The following NDUFS6 variants were observed in gnomAD, a reference collection of about 807,000 sequenced individuals.
The protein encoded by NDUFS6 is NADH dehydrogenase [ubiquinone] iron-sulfur protein 6, mitochondrial.
In NDUFS6, 14 loss-of-function variants were observed where a neutral mutation model predicts 13.2. That is an observed-to-expected ratio of 1.06 (90% CI 0.70 to 1.66). NDUFS6 has a LOEUF of 1.66. Among genes scored for constraint, NDUFS6 ranks in the 40% most tolerant of loss-of-function variants. NDUFS6 has a pLI of 0.00. For missense variants in NDUFS6, 206 were observed against 170.8 expected (o/e 1.21, Z -1.15); for synonymous variants, 95 against 72.3 (o/e 1.31, Z -1.60).
At chr5:1,809,538 G>T (rs554614008) in intron 2 of NDUFS6, among the ~76,000 whole-genome samples, 69 of 152,286 alleles carry the variant, frequency 4.5e-4, no homozygotes, top group Admixed American at 1.2e-3. Flanking sequence ...CTGGTGATGG[G>T]CGGTCAGGGT....
intron 1 of NDUFS6, among the ~76,000 whole-genome samples, chr5:1,801,771 G>A (rs1006441137): frequency 2.6e-5 from 4 of 152,264 alleles, no homozygotes; most frequent in Non-Finnish European, 4.4e-5. Context: ...GCGGGCTCTG[G>A]AACGGGAAGT....
chr5:1,815,879 G>T lies in NDUFS6; in HGVS notation c.338G>T (p.Gly113Val), dbSNP rs1430910098. 3.1e-6 allele frequency: 5 copies of T among 1,614,260 alleles called. No individual in the cohort carries two copies. Among genetic ancestry groups the T allele is most frequent in the South Asian group, 1.1e-5 (1 of 91,088 alleles). The change falls in exon 4 of 4, where the codon GGT becomes GTT. Residue 113 changes from glycine to valine, a missense_variant. Gly to Val is a moderately radical substitution (Grantham distance 109). Transcript: ENST00000274137. ...AAAGAAACAAAAACCGGCACATGCG[G>T]TTACTGTGGGCTCCAGTTCAGACAG... is the stretch of plus-strand genomic sequence containing the variant. ...LDKETKTGTC[G>V]YCGLQFRQHH...
At chr5:1,803,813 G>A (rs1463584814) in intron 2 of NDUFS6, among the ~76,000 whole-genome samples, 1 of 152,254 alleles carries the variant, frequency 6.6e-6, no homozygotes, top group African/African-American at 2.4e-5. Flanking sequence ...TCCGTGTGCA[G>A]GCTGTCCTGG....
chr5:1,810,701 G>A (rs1441916185), intron 2 of NDUFS6, among the ~76,000 whole-genome samples: 1 of 152,020 alleles, frequency 6.6e-6, no homozygotes, highest in South Asian at 2.1e-4. Context: ...TTGTCGGAGG[G>A]GCCAGTCTGG....
chr5:1,811,823 A>G (rs1734223651), intron 2 of NDUFS6, among the ~76,000 whole-genome samples: 1 of 152,188 alleles, frequency 6.6e-6, no homozygotes, highest in South Asian at 2.1e-4. Flanking sequence ...ACATAATATA[A>G]TTGGTTCTGG....
chr5:1,809,813 T>C (rs182503851), intron 2 of NDUFS6, among the ~76,000 whole-genome samples: 21 of 152,350 alleles, frequency 1.4e-4, no homozygotes, highest in Admixed American at 1.4e-3. Flanking sequence ...CAGAGCCCTC[T>C]GTAAGGCGCT....
At chr5:1,803,085 G>A (rs1050849741) in intron 2 of NDUFS6, among the ~76,000 whole-genome samples, 1 of 152,078 alleles carries the variant, frequency 6.6e-6, no homozygotes, top group African/African-American at 2.4e-5. Flanking sequence ...GGTTAGCCTG[G>A]TGTTCTTCTT....
At chr5:1,811,516 G>A (rs1347695359) in intron 2 of NDUFS6, among the ~76,000 whole-genome samples, 1 of 152,224 alleles carries the variant, frequency 6.6e-6, no homozygotes, top group African/African-American at 2.4e-5. Context: ...GCCCAGGTAA[G>A]TTCCTACATG....
intron 2 of NDUFS6, among the ~76,000 whole-genome samples, chr5:1,805,788 TAAC>T (rs1254233511): frequency 6.6e-6 from 1 of 152,202 alleles, no homozygotes; most frequent in Non-Finnish European, 1.5e-5. Flanking sequence ...GTGGTAATAA[TAAC>T]AGCAATAACA....
chr5:1,801,497 G>GT lies in NDUFS6; in HGVS notation c.83dup (p.Gly29ArgfsTer19). 6.2e-7 allele frequency: 1 copy of GT among 1,601,940 alleles called. No individual in the cohort carries two copies. Among genetic ancestry groups the GT allele is most frequent in the Non-Finnish European group, 8.5e-7 (1 of 1,178,750 alleles). On this transcript the variant is annotated frameshift_variant, in exon 1 of 4. Transcript: ENST00000274137. LOFTEE classifies it high-confidence loss of function. ...CGGAGCCTGCCCCTGGGCGCCAGGT[G>GT]TTTCGGGGTGCGGGTCTCGCCGACC...
At chr5:1,808,743 C>T (rs1379908163) in intron 2 of NDUFS6, among the ~76,000 whole-genome samples, 1 of 152,180 alleles carries the variant, frequency 6.6e-6, no homozygotes, top group African/African-American at 2.4e-5. Context: ...AGAGCATTTT[C>T]TATAAAGTTA....
At chr5:1,810,711 G>A (rs1734205155) in intron 2 of NDUFS6, among the ~76,000 whole-genome samples, 1 of 152,128 alleles carries the variant, frequency 6.6e-6, no homozygotes, top group South Asian at 2.1e-4. Flanking sequence ...GGCCAGTCTG[G>A]CTCAGCTCCT....
At chr5:1,801,928 A>G (rs932608845) in intron 1 of NDUFS6, among the ~76,000 whole-genome samples, 1 of 152,270 alleles carries the variant, frequency 6.6e-6, no homozygotes, top group African/African-American at 2.4e-5. Flanking sequence ...CCAAGGCACA[A>G]AAAAGCCCTA....
intron 2 of NDUFS6, among the ~76,000 whole-genome samples, chr5:1,810,841 T>C (rs1327653064): frequency 1.3e-5 from 2 of 152,128 alleles, no homozygotes; most frequent in Middle Eastern, 3.2e-3. Flanking sequence ...AATGTTGATG[T>C]GAATCTTTGA....
chr5:1,801,484 C>G lies in NDUFS6; in HGVS notation c.67C>G (p.Leu23Val), dbSNP rs1014264454. ...RCGEAARSLP[L>V]GARCFGVRVS... ...TGGCGAGGCGGCGCGGAGCCTGCCCCTGGGCGCCAGGTGTTTCGGGGTGCG... is the reference window on the plus strand; with the variant it reads ...TGGCGAGGCGGCGCGGAGCCTGCCCGTGGGCGCCAGGTGTTTCGGGGTGCG... The change falls in exon 1 of 4, where the codon CTG becomes GTG. Residue 23 changes from leucine (L) to valine (V), a missense_variant. Transcript: ENST00000274137. 2.5e-6 allele frequency: 4 copies of G among 1,603,194 alleles called. No homozygotes were observed. Among genetic ancestry groups the G allele is most frequent in the Admixed American group, 3.3e-5 (2 of 59,814 alleles).
intron 2 of NDUFS6, among the ~76,000 whole-genome samples, chr5:1,805,741 A>G (rs2111350771): frequency 6.6e-6 from 1 of 152,340 alleles, no homozygotes; most frequent in East Asian, 1.9e-4. Context: ...CTTGTCCCCT[A>G]ATAGAAGGGA....
In NDUFS6 at chr5:1,814,669, T is replaced by C. The variant is rs4147773; in HGVS notation, c.309+208T>C. 0.81 allele frequency: 628,237 copies of C among 776,056 alleles called. 262,606 individuals carry two copies. The highest frequency in any genetic ancestry group is 0.88 in the Non-Finnish European group (398,434 of 452,298). The allele number at this position is 776,056 out of a possible 1,614,324, so 48.1% of individuals were successfully genotyped here. The stretch of plus-strand genomic sequence containing the variant: ...CTGTCCGAAAACCCCCTTTCAACTG[T>C]GAAGTGGTGGGCGGCATGTTTCTCT... On this transcript the variant is annotated intron_variant, in intron 3 of 3. Transcript: ENST00000274137. This position sits in a 1 kb window ranked among gnomAD's most constrained non-coding sequence, Gnocchi z 4.9.
intron 2 of NDUFS6, among the ~76,000 whole-genome samples, chr5:1,805,553 A>T (rs1579213069): frequency 6.6e-6 from 1 of 152,320 alleles, no homozygotes; most frequent in East Asian, 1.9e-4. Flanking sequence ...AGAATGTGCC[A>T]GCCACCCCCA....
Position 1,814,600 on chromosome 5 carries a change from C to T in NDUFS6, c.309+139C>T, listed in dbSNP as rs1734278001. 5 of 1,301,864 alleles carry T rather than the reference C, an allele frequency of 3.8e-6. No individual in the cohort carries two copies. In the South Asian group the frequency reaches 6.2e-5, roughly 16 times the overall value. 80.6% of individuals were successfully genotyped at this position (1,301,864 alleles called of 1,614,324 possible). A position where few individuals can be genotyped will look rare whatever the true frequency, so the allele number is the denominator to read the frequency against. ...CCTTACGGGGTTCACACTGCTGGCA[C>T]ATTCACCCTACAGCGCCACACTACA... On this transcript the variant is annotated intron_variant, in intron 3 of 3. Coordinates refer to ENST00000274137, the MANE Select transcript of NDUFS6 (RefSeq NM_004553.6). This position sits in a 1 kb window ranked among gnomAD's most constrained non-coding sequence, Gnocchi z 4.9.
Sources: gnomAD v4.1 joint callset for allele counts (sites outside exome capture counted in the v4.1 genomes callset) on GRCh38, gnomAD v4.1.1 for gene constraint, Gnocchi (gnomAD v3.1) non-coding constraint, MANE v1.5 for transcripts, NCBI Gene and HGNC (gene_info 2026-07-23, HGNC 2026-07-21) for gene names.